The following EML4 variants were observed in gnomAD, a reference collection of about 807,000 sequenced individuals.
EML4 encodes the protein echinoderm microtubule-associated protein-like 4.
A neutral mutation model predicts 129.0 loss-of-function variants in EML4; 72 were observed. That is an observed-to-expected ratio of 0.56 (90% confidence interval 0.46 to 0.68). EML4 has a LOEUF of 0.68. Among genes scored for constraint, EML4 ranks in the 30% least tolerant of loss-of-function variants. EML4 has a pLI of 0.00. For synonymous variants in EML4, 532 were observed against 405.0 expected (o/e 1.31, Z -3.77); for missense variants, 1,363 against 1,190.6 (o/e 1.14, Z -2.13).
chr2:42,233,968 C>G (rs764745326), intron 1 of EML4, among the ~76,000 whole-genome samples: 6 of 152,218 alleles, frequency 3.9e-5, no homozygotes, highest in Non-Finnish European at 7.3e-5. Context: ...TAAAGAAGAT[C>G]CGAAAAGTAG....
At chr2:42,276,587 G>A (rs1666671788) in intron 6 of EML4, among the ~76,000 whole-genome samples, 1 of 152,186 alleles carries the variant, frequency 6.6e-6, no homozygotes, top group Non-Finnish European at 1.5e-5. Flanking sequence ...GCTAAACAGT[G>A]TTTAGAGTGG....
At chr2:42,171,156 G>C (rs559628012) in intron 1 of EML4, among the ~76,000 whole-genome samples, 2 of 152,210 alleles carry the variant, frequency 1.3e-5, no homozygotes, top group African/African-American at 4.8e-5. Context: ...TTTTTCCCTG[G>C]TTCTTTTTTA....
chr2:42,249,927 G>C (rs1296809528), intron 2 of EML4, among the ~76,000 whole-genome samples: 1 of 152,008 alleles, frequency 6.6e-6, no homozygotes, highest in Non-Finnish European at 1.5e-5. Flanking sequence ...CCTGCCAAAA[G>C]AAAAAAATAT....
chr2:42,263,122 A>G, intron 4 of EML4, 56 bp from the exon 5 acceptor site: 1 of 1,409,556 alleles, frequency 7.1e-7, no homozygotes, highest in African/African-American at 1.4e-5. Context: ...TTAAATTGTC[A>G]GTTACATGTC....
At chr2:42,297,800 A>G (rs917207338) in intron 13 of EML4, among the ~76,000 whole-genome samples, 11 of 152,208 alleles carry the variant, frequency 7.2e-5, no homozygotes, top group Middle Eastern at 3.2e-3. Flanking sequence ...GATTTTTTGG[A>G]TGGCAGAAGT....
chr2:42,206,441 C>G (rs939190206), intron 1 of EML4, among the ~76,000 whole-genome samples: 5 of 152,144 alleles, frequency 3.3e-5, no homozygotes, highest in African/African-American at 1.2e-4. Context: ...GTCCCAAACT[C>G]CTGGCCTCAA....
chr2:42,307,719 TC>T (rs1187661259), intron 17 of EML4, among the ~76,000 whole-genome samples: 1 of 152,242 alleles, frequency 6.6e-6, no homozygotes. Context: ...AATGGCATGA[TC>T]CCAGTTCACT....
chr2:42,317,227 G>A (rs764554569), intron 18 of EML4, among the ~76,000 whole-genome samples, 200 bp from the exon 19 acceptor site: 2 of 152,204 alleles, frequency 1.3e-5, no homozygotes, highest in Non-Finnish European at 2.9e-5. Context: ...TCCAAGGCCT[G>A]TAAGCATCTC....
chr2:42,293,803 G>T (rs1462335897), intron 11 of EML4, among the ~76,000 whole-genome samples: 2 of 152,104 alleles, frequency 1.3e-5, no homozygotes, highest in African/African-American at 4.8e-5. Context: ...TAGAGACGGG[G>T]TTTCACCATC....
chr2:42,172,420 A>G lies in EML4; in HGVS notation c.25+2784A>G, dbSNP rs1286187465. Among the ~76,000 whole-genome samples the G allele has an allele frequency of 2.6e-5, 4 of 152,216 alleles. No individual in the cohort carries two copies. In the East Asian group the frequency reaches 7.7e-4, roughly 29 times the overall value. ...ACTAGGTAGTGGTTTTTTAAATCATAGGAATGATAAGTGATTGGCCATTTT... is the reference window on the plus strand; with the variant it reads ...ACTAGGTAGTGGTTTTTTAAATCATGGGAATGATAAGTGATTGGCCATTTT... On this transcript the variant is annotated intron_variant, in intron 1 of 22. Coordinates refer to ENST00000318522, the MANE Select transcript of EML4 (RefSeq NM_019063.5).
intron 6 of EML4, among the ~76,000 whole-genome samples, chr2:42,276,898 T>C (rs111563953): frequency 1.2e-4 from 18 of 152,340 alleles, no homozygotes; most frequent in African/African-American, 3.8e-4. Flanking sequence ...AGTGAAAGCA[T>C]TGTCATCCTA....
chr2:42,330,246 T>A lies in EML4; in HGVS notation c.*39T>A. On this transcript the variant is annotated 3_prime_UTR_variant, in exon 23 of 23. Transcript: ENST00000318522. ...GTGCAACTCTTTTCCTTCAGCTGCA[T>A]GTGATTTTGTGATAAAGTTCAGGTA... is the stretch of plus-strand genomic sequence containing the variant. 1.3e-6 allele frequency: 2 copies of A among 1,558,344 alleles called. No homozygotes were observed. The highest frequency in any genetic ancestry group is 1.7e-5 in the Admixed American group (1 of 59,370).
intron 1 of EML4, among the ~76,000 whole-genome samples, chr2:42,244,838 A>G (rs570010574): frequency 3.3e-4 from 50 of 152,136 alleles, no homozygotes; most frequent in Non-Finnish European, 6.3e-4. Flanking sequence ...AAGAAAGGTT[A>G]AATAGTTTGC....
At chr2:42,289,516 T>C (rs1667503179) in intron 11 of EML4, 1 of 152,160 alleles carries the variant, frequency 6.6e-6, no homozygotes. Context: ...TTTATTTGAA[T>C]GTCCTCTACC....
rs1348317156 is a variant in EML4 at position 42,330,228 on chromosome 2, T to C, written c.*21T>C. 3 of 1,599,544 alleles carry C rather than the reference T, an allele frequency of 1.9e-6. No homozygotes were observed. The highest frequency in any genetic ancestry group is 2.6e-6 in the Non-Finnish European group (3 of 1,167,908). On this transcript the variant is annotated 3_prime_UTR_variant, in exon 23 of 23. Coordinates refer to ENST00000318522, the MANE Select transcript of EML4 (RefSeq NM_019063.5). ...CCTAACACCCTGGCTTCAGTGCAAC[T>C]CTTTTCCTTCAGCTGCATGTGATTT...
intron 1 of EML4, among the ~76,000 whole-genome samples, chr2:42,235,494 T>C (rs1416962666): frequency 6.6e-6 from 1 of 151,972 alleles, no homozygotes; most frequent in Non-Finnish European, 1.5e-5. Flanking sequence ...CTATACACAG[T>C]GTGTGGTATT....
At chr2:42,215,857 A>T (rs1414376484) in intron 1 of EML4, among the ~76,000 whole-genome samples, 1 of 152,164 alleles carries the variant, frequency 6.6e-6, no homozygotes, top group Non-Finnish European at 1.5e-5. Context: ...TTAGTTTTCC[A>T]CAACTCTTAC....
chr2:42,218,949 C>T (rs1238784073), intron 1 of EML4, among the ~76,000 whole-genome samples: 1 of 152,150 alleles, frequency 6.6e-6, no homozygotes. Flanking sequence ...CAAACATGCA[C>T]TGCAGCACTT....
intron 1 of EML4, among the ~76,000 whole-genome samples, chr2:42,194,732 G>A (rs1262239856): frequency 2.0e-5 from 3 of 151,758 alleles, no homozygotes; most frequent in Non-Finnish European, 2.9e-5. Context: ...GTCTGGTCTC[G>A]AACTCCTGGG....
Sources: allele counts gnomAD v4.1 joint callset (sites outside exome capture counted in the v4.1 genomes callset), GRCh38; gene constraint gnomAD v4.1.1; transcripts MANE v1.5; gene names NCBI Gene and HGNC (gene_info 2026-07-23, HGNC 2026-07-21).